Variants in VPS13C observed in about 807,000 individuals in gnomAD.
VPS13C encodes the protein intermembrane lipid transfer protein VPS13C.
Under a neutral mutation model 456.8 loss-of-function variants are expected in VPS13C, and 358 were observed. The observed-to-expected ratio is 0.78, with a 90% CI of 0.72 to 0.86. VPS13C has a LOEUF of 0.86. VPS13C is among the 40% of genes least tolerant of loss of function. VPS13C has a pLI of 0.00. For synonymous variants in VPS13C, 1,578 were observed against 1,486.7 expected (o/e 1.06, Z -1.41); for missense variants, 4,818 against 4,385.4 (o/e 1.10, Z -2.79).
At chr15:61,882,509 T>C (rs1029846571) in intron 69 of VPS13C, 87 bp downstream of exon 69, 1 of 1,218,264 alleles carries the variant, frequency 8.2e-7, no homozygotes, top group Non-Finnish European at 1.1e-6. Context: ...CCAATTACAA[T>C]GTAAACTATA....
In VPS13C at chr15:61,949,456, G is replaced by A. The variant is rs80151244; in HGVS notation, c.4746C>T (p.Ile1582=). Residue 1582 remains isoleucine (I), a synonymous_variant, in exon 42 of 85, where the codon ATC becomes ATT. Transcript: ENST00000644861. ...AAAAATTATTACCAGCTTTGACAGC[G>A]ATACTTCTGGACTCCCCCACAAGTG... ...LKPLVGESRS[I]AVKAVSSNIS... The A allele has an allele frequency of 8.2e-4, 1,322 of 1,609,818 alleles. 11 individuals are homozygous for A. In the African/African-American group the frequency reaches 0.016, roughly 19 times the overall value.
At position 61,863,457 on chromosome 15, in the gene VPS13C, G is replaced by T. The variant is rs776392932; in HGVS notation, c.10935C>A (p.Ile3645=). 3.7e-6 allele frequency: 6 copies of T among 1,612,208 alleles called. No homozygotes were observed. The highest frequency in any genetic ancestry group is 4.2e-6 in the Non-Finnish European group (5 of 1,178,828). The change falls in exon 82 of 85, where the codon ATC becomes ATA. Residue 3645 remains isoleucine (I), a synonymous_variant. Transcript: ENST00000644861. ...GTCAGTACCTATTTGTAACCATAAG[G>T]ATTGTCTTCTTGCTTCCAGGAATAG... The part of the protein sequence containing the change: ...HCAIPGSKKT[I]LMVTNRRVLC...
intron 2 of VPS13C, 51 bp downstream of exon 2, chr15:62,044,161 A>C (rs764744660): frequency 6.0e-6 from 8 of 1,332,828 alleles, no homozygotes; most frequent in Non-Finnish European, 8.3e-6. Flanking sequence ...AAAGGTTTCT[A>C]AGAACTTACC....
chr15:61,999,922 G>C (rs767365675), intron 16 of VPS13C, among the ~76,000 whole-genome samples: 198 of 147,678 alleles, frequency 1.3e-3, no homozygotes, highest in Non-Finnish European at 1.9e-3. Flanking sequence ...AAAAAAAAAA[G>C]GAGATAAAAA....
intron 82 of VPS13C, among the ~76,000 whole-genome samples, chr15:61,859,835 G>T: frequency 6.6e-6 from 1 of 151,264 alleles, no homozygotes. Flanking sequence ...ATATGTTGAT[G>T]GTTTTTTTTT....
At chr15:61,855,079 T>C (rs1893833352) in intron 83 of VPS13C, 125 bp from the exon 84 acceptor site, 2 of 688,046 alleles carry the variant, frequency 2.9e-6, no homozygotes, top group Admixed American at 3.4e-5. Flanking sequence ...AATACACATA[T>C]TCAAGTAAGA....
rs756718375 is a variant in VPS13C at position 61,880,700 on chromosome 15, A to T, written c.9911T>A (p.Ile3304Asn). The change falls in exon 73 of 85, where the codon ATT (isoleucine) becomes AAT (asparagine). Residue 3304 changes from isoleucine (I) to asparagine (N), a missense_variant. This residue lies in a region of VPS13C where 4,552 missense variants were observed against 4,130.6 expected (regional missense o/e 1.10). Coordinates refer to ENST00000644861, the MANE Select transcript of VPS13C (RefSeq NM_020821.3). ...RRRTKLIQQDIDALNAELMET... is the reference protein window; with the variant it reads ...RRRTKLIQQDNDALNAELMET... The stretch of plus-strand genomic sequence containing the variant: ...CATTAATTCTGCATTTAGAGCATCA[A>T]TATCTTGTTGGATTAACTTTGTCTG... 1 of 1,589,648 alleles carries T rather than the reference A, an allele frequency of 6.3e-7. No individual in the cohort carries two copies. Among genetic ancestry groups the T allele is most frequent in the South Asian group, 1.2e-5 (1 of 84,598 alleles).
At chr15:62,005,962 C>T (rs1182458040) in intron 15 of VPS13C, among the ~76,000 whole-genome samples, 1 of 151,956 alleles carries the variant, frequency 6.6e-6, no homozygotes, top group East Asian at 1.9e-4. Context: ...CCTCAGCCTC[C>T]CAAAGTGCTG....
At chr15:62,040,845 AGTG>A (rs2140708323) in intron 3 of VPS13C, among the ~76,000 whole-genome samples, 1 of 152,346 alleles carries the variant, frequency 6.6e-6, no homozygotes, top group South Asian at 2.1e-4. Context: ...AGATGGTCTT[AGTG>A]TAGGAGTTTA....
intron 3 of VPS13C, among the ~76,000 whole-genome samples, chr15:62,039,278 C>T (rs749789836): frequency 8.5e-5 from 13 of 152,094 alleles, no homozygotes; most frequent in Non-Finnish European, 1.6e-4. Flanking sequence ...ATCATGTCCC[C>T]TACAGCAAGA....
intron 58 of VPS13C, among the ~76,000 whole-genome samples, chr15:61,918,741 C>G (rs927681628): frequency 1.3e-5 from 2 of 151,836 alleles, no homozygotes; most frequent in African/African-American, 4.8e-5. Flanking sequence ...TCTGATGTTA[C>G]AGGTAGGAAA....
At chr15:61,934,405 T>TCA in intron 48 of VPS13C, 74 bp from the exon 49 acceptor site, 1 of 761,936 alleles carries the variant, frequency 1.3e-6, no homozygotes, top group Non-Finnish European at 1.9e-6. Flanking sequence ...AGATAATTTC[T>TCA]TATTCTAAAT....
In VPS13C at chr15:61,984,879, G is replaced by A. The variant is rs1316948611; in HGVS notation, c.1699C>T (p.Arg567Ter). The change falls in exon 19 of 85, where the codon CGA becomes TGA. Residue 567 changes from arginine to a stop codon, truncating the protein, a stop_gained. Coordinates refer to ENST00000644861, the MANE Select transcript of VPS13C (RefSeq NM_020821.3). LOFTEE classifies it high-confidence loss of function. ...TACTTAAGTGCTTGTGCTCCTGGTC[G>A]CTGAGATACTTGAGTGCCCAGGCCA... is the stretch of plus-strand genomic sequence containing the variant. ...IIGLGTQVSQ[R>*]PGAQALKVEA... 5.6e-6 allele frequency: 9 copies of A among 1,612,926 alleles called. No homozygotes were observed. The highest frequency in any genetic ancestry group is 1.7e-5 in the Admixed American group (1 of 59,868).
Position 61,913,409 on chromosome 15 carries a change from A to G in VPS13C, c.8452T>C (p.Leu2818=). The change falls in exon 62 of 85, where the codon TTA becomes CTA. Residue 2818 remains leucine, a synonymous_variant. Coordinates refer to ENST00000644861, the MANE Select transcript of VPS13C (RefSeq NM_020821.3). The part of the protein sequence containing the change: ...KNIFTKNKVQ[L]KISTSAWSSS... ...GACCAGGCACTGGTTGAAATTTTTAATTGTACCTATACCAGAGAGCACATA... is the reference window on the plus strand; with the variant it reads ...GACCAGGCACTGGTTGAAATTTTTAGTTGTACCTATACCAGAGAGCACATA... 1 of 1,613,296 alleles carries G rather than the reference A, an allele frequency of 6.2e-7. No individual in the cohort carries two copies. Among genetic ancestry groups the G allele is most frequent in the African/African-American group, 1.3e-5 (1 of 75,026 alleles).
rs2140140144 is a variant in VPS13C at position 61,909,071 on chromosome 15, A to C, written c.8899T>G (p.Phe2967Val). The change falls in exon 65 of 85, where the codon TTT becomes GTT. Residue 2967 changes from phenylalanine (F) to valine (V), a missense_variant. Coordinates refer to ENST00000644861, the MANE Select transcript of VPS13C (RefSeq NM_020821.3). ...NTAEHSTVIT[F>V]SDYHEGSAPA... ...GCAGATCCCTCATGGTAATCAGAAAAAGTTATGACAGTTGAATGTTCGGCA... is the reference window on the plus strand; with the variant it reads ...GCAGATCCCTCATGGTAATCAGAAACAGTTATGACAGTTGAATGTTCGGCA... The C allele has an allele frequency of 6.2e-7, 1 of 1,614,056 alleles. No homozygotes were observed. Among genetic ancestry groups the C allele is most frequent in the Non-Finnish European group, 8.5e-7 (1 of 1,180,006 alleles).
chr15:61,972,446 CTCTG>C (rs1343218800), intron 27 of VPS13C, among the ~76,000 whole-genome samples, 175 bp downstream of exon 27: 1 of 151,930 alleles, frequency 6.6e-6, no homozygotes, highest in Non-Finnish European at 1.5e-5. Context: ...TGTTAAAAAT[CTCTG>C]TGTGTGTGAG....
intron 61 of VPS13C, among the ~76,000 whole-genome samples, chr15:61,914,718 G>A (rs1031228653): frequency 1.3e-5 from 2 of 150,376 alleles, no homozygotes; most frequent in Non-Finnish European, 3.0e-5. Context: ...CTGCCACCAC[G>A]CCCAGCTAAT....
rs1261875206 is a variant in VPS13C, at chr15:61,916,001, G to C, written c.8077C>G (p.Leu2693Val). ...ACATCAGCAGTACTGCCTTCTGCCAGCTCATGAGTTTCTGCTGTTCCCTAA... is the reference window on the plus strand; with the variant it reads ...ACATCAGCAGTACTGCCTTCTGCCACCTCATGAGTTTCTGCTGTTCCCTAA... ...LLEGTAETHE[L>V]AEGSTADVLH... The change falls in exon 61 of 85, where the codon CTG becomes GTG. Residue 2693 changes from leucine (L) to valine (V), a missense_variant. Leu to Val is a conservative substitution (Grantham distance 32). Around this residue, in one of 3 missense-constraint regions of VPS13C, gnomAD observed 4,552 missense variants for 4,130.6 expected, o/e 1.10. Coordinates refer to ENST00000644861, the MANE Select transcript of VPS13C (RefSeq NM_020821.3). The C allele has an allele frequency of 1.3e-6, 2 of 1,586,488 alleles. No individual in the cohort carries two copies. Among genetic ancestry groups the C allele is most frequent in the Admixed American group, 1.7e-5 (1 of 58,014 alleles).
At chr15:62,011,371 T>G (rs1488340817) in intron 12 of VPS13C, among the ~76,000 whole-genome samples, 1 of 152,060 alleles carries the variant, frequency 6.6e-6, no homozygotes, top group Non-Finnish European at 1.5e-5. Flanking sequence ...CCTAAATGAT[T>G]TCACAAACTA....
Sources: gnomAD v4.1 joint callset for allele counts (sites outside exome capture counted in the v4.1 genomes callset) on GRCh38, gnomAD v4.1.1 for gene constraint, gnomAD v4.1.1 regional missense constraint, MANE v1.5 for transcripts, NCBI Gene and HGNC (gene_info 2026-07-23, HGNC 2026-07-21) for gene names.